The following HSF1 variants were observed in gnomAD, a reference collection of about 807,000 sequenced individuals.
HSF1 encodes heat shock factor protein 1.
A neutral mutation model predicts 51.7 loss-of-function variants in HSF1; 32 were observed. The observed-to-expected ratio is 0.62, with a 90% CI of 0.47 to 0.83. The LOEUF (loss-of-function observed/expected upper bound fraction) is 0.83, where lower values mean the gene tolerates loss of function less well. Ranked by LOEUF, HSF1 falls within the 40% of genes least tolerant of loss-of-function variation. The pLI, the probability that HSF1 is intolerant of heterozygous loss-of-function variation, is 0.00. For synonymous variants in HSF1, 396 were observed against 309.7 expected, an observed-to-expected ratio of 1.28 and a Z score of -2.92; for missense variants, 727 against 717.0, an observed-to-expected ratio of 1.01 and a Z score of -0.16.
In HSF1 at chr8:144,309,866, G is replaced by T. The variant is rs782681698; in HGVS notation, c.458G>T (p.Cys153Phe). 1.2e-6 allele frequency: 2 copies of T among 1,613,852 alleles called. No homozygotes were observed. The highest frequency in any genetic ancestry group is 1.7e-6 in the Non-Finnish European group (2 of 1,179,962). The change falls in exon 4 of 13, where the codon TGC becomes TTC. Residue 153 changes from cysteine to phenylalanine, a missense_variant. Around this residue, in one of 2 missense-constraint regions of HSF1, gnomAD observed 257 missense variants for 318.3 expected, o/e 0.81. Transcript: ENST00000528838. ...DVQLMKGKQE[C>F]MDSKLLAMKH... Reference sequence around the variant, plus strand: ...CAGCTGATGAAGGGGAAGCAGGAGTGCATGGACTCCAAGCTCCTGGCCATG... The same window carrying T: ...CAGCTGATGAAGGGGAAGCAGGAGTTCATGGACTCCAAGCTCCTGGCCATG...
chr8:144,309,640 C>T, intron 3 of HSF1, 49 bp downstream of exon 3: 2 of 1,566,894 alleles, frequency 1.3e-6, no homozygotes, highest in Non-Finnish European at 8.7e-7. Context: ...CCACAGCTCT[C>T]CCCGCCCGCC....
chr8:144,307,236 C>G (rs1816283877), intron 1 of HSF1, among the ~76,000 whole-genome samples: 1 of 152,214 alleles, frequency 6.6e-6, no homozygotes, highest in Admixed American at 6.5e-5. Context: ...CGGCAAACAG[C>G]TTTTTTATTC....
Position 144,312,077 on chromosome 8 carries a change from G to A in HSF1, c.975G>A (p.Leu325=). ...GCCCATCTTCCGTGGACACCCTCTT[G>A]TCCCCGACCGCCCTCATTGACTCCA... is the stretch of plus-strand genomic sequence containing the variant. ...PGRPSSVDTL[L]SPTALIDSIL... is the part of the protein sequence containing the mutation. Residue 325 remains leucine, a synonymous_variant, in exon 9 of 13, where the codon TTG becomes TTA. Coordinates refer to ENST00000528838, the MANE Select transcript of HSF1 (RefSeq NM_005526.4). 6.2e-7 allele frequency: 1 copy of A among 1,612,378 alleles called. No individual in the cohort carries two copies. Among genetic ancestry groups the A allele is most frequent in the Non-Finnish European group, 8.5e-7 (1 of 1,179,828 alleles).
intron 9 of HSF1, 90 bp from the exon 10 acceptor site, chr8:144,313,421 G>A: frequency 1.2e-6 from 1 of 842,368 alleles, no homozygotes; most frequent in Non-Finnish European, 2.0e-6. Flanking sequence ...AGCCTGGGGG[G>A]TACAGTCAAG....
At chr8:144,296,306 C>T (rs982806725) in intron 1 of HSF1, among the ~76,000 whole-genome samples, 3 of 152,204 alleles carry the variant, frequency 2.0e-5, no homozygotes, top group African/African-American at 7.2e-5. Flanking sequence ...GGAGCTCCCA[C>T]GGCAGGCAGG....
chr8:144,301,520 G>A (rs192930881), intron 1 of HSF1, among the ~76,000 whole-genome samples: 1 of 152,236 alleles, frequency 6.6e-6, no homozygotes, highest in East Asian at 1.9e-4. Flanking sequence ...CCATATCAAG[G>A]TACATTATAT....
At chr8:144,311,912 T>A in intron 8 of HSF1, 51 bp from the exon 9 acceptor site, 1 of 1,581,430 alleles carries the variant, frequency 6.3e-7, no homozygotes, top group East Asian at 2.2e-5. Context: ...GAGTTGGGGA[T>A]GAGGTGGGGC....
intron 1 of HSF1, among the ~76,000 whole-genome samples, chr8:144,296,768 T>C (rs1815490647): frequency 6.7e-6 from 1 of 149,706 alleles, no homozygotes; most frequent in African/African-American, 2.5e-5. Context: ...GATCGCGCCA[T>C]TGCACTCCAG....
In HSF1 at chr8:144,308,718, G is replaced by GC. The variant is rs566636121; in HGVS notation, c.118-185dup. Among the ~76,000 whole-genome samples the GC allele has an allele frequency of 4.1e-3, 632 of 152,348 alleles. 3 individuals carry two copies. Among genetic ancestry groups the GC allele is most frequent in the African/African-American group, 0.015 (611 of 41,582 alleles). Reference sequence around the variant, plus strand: ...ATGCAGGTCACGCTGCACAGATGAGGCCCGTGTGGCAGGTGGTCCCAGGAA... The same window carrying GC: ...ATGCAGGTCACGCTGCACAGATGAGGCCCCGTGTGGCAGGTGGTCCCAGGAA... On this transcript the variant is annotated intron_variant, in intron 1 of 12. Coordinates refer to ENST00000528838, the MANE Select transcript of HSF1 (RefSeq NM_005526.4).
At chr8:144,308,575 C>T (rs1554843669) in intron 1 of HSF1, among the ~76,000 whole-genome samples, 6 of 150,640 alleles carry the variant, frequency 4.0e-5, no homozygotes, top group African/African-American at 1.2e-4. Context: ...GGCCAGAGTG[C>T]GGCGGATGCT....
At position 144,309,368 on chromosome 8, in the gene HSF1, C is replaced by T. The variant is rs563625558; in HGVS notation, c.227-87C>T. Reference sequence around the variant, plus strand: ...GCAGGGTCTGACCATGGCCAAGCCCCGCAGCAGCCTCCTGGAGCAGTGGCC... The same window carrying T: ...GCAGGGTCTGACCATGGCCAAGCCCTGCAGCAGCCTCCTGGAGCAGTGGCC... On this transcript the variant is annotated intron_variant, in intron 2 of 12. Coordinates refer to ENST00000528838, the MANE Select transcript of HSF1 (RefSeq NM_005526.4). 1.3e-4 allele frequency: 200 copies of T among 1,570,114 alleles called. 4 individuals are homozygous for T. The East Asian group carries it at 3.1e-3, about 24-fold the overall frequency.
chr8:144,309,075 C>G (rs1177057805), intron 2 of HSF1, 61 bp downstream of exon 2: 1 of 1,261,724 alleles, frequency 7.9e-7, no homozygotes, highest in Non-Finnish European at 1.2e-6. Context: ...TGGCGGGACC[C>G]CAGCAGGAGG....
chr8:144,312,867 G>T (rs1816781749), intron 9 of HSF1: 15 of 652,988 alleles, frequency 2.3e-5, no homozygotes, highest in Non-Finnish European at 3.5e-5. Flanking sequence ...GTGTCGTCAT[G>T]GCTCCCCTGG....
chr8:144,299,428 C>T (rs1815706611), intron 1 of HSF1, among the ~76,000 whole-genome samples: 1 of 134,754 alleles, frequency 7.4e-6, no homozygotes, highest in African/African-American at 2.6e-5. Flanking sequence ...CAGAGCAAGA[C>T]TCCTTCTAAA....
Position 144,311,692 on chromosome 8 carries a change from G to C in HSF1, c.724-8G>C. 1 of 1,609,104 alleles carries C rather than the reference G, an allele frequency of 6.2e-7. No homozygotes were observed. Among genetic ancestry groups the C allele is most frequent in the East Asian group, 2.2e-5 (1 of 44,840 alleles). ...GGCACTGCATGGACCTCCTGCCTTTGATTGCAGGCCCCCTCCCCAGCCTAC... is the reference window on the plus strand; with the variant it reads ...GGCACTGCATGGACCTCCTGCCTTTCATTGCAGGCCCCCTCCCCAGCCTAC... On this transcript the variant is annotated splice_polypyrimidine_tract_variant and splice_region_variant and intron_variant, in intron 7 of 12. Transcript: ENST00000528838.
intron 1 of HSF1, among the ~76,000 whole-genome samples, chr8:144,294,064 A>C (rs1170103961): frequency 2.0e-5 from 3 of 151,782 alleles, no homozygotes; most frequent in African/African-American, 7.3e-5. Context: ...AGGGATGGGG[A>C]GCCAACTGGA....
chr8:144,295,862 C>G (rs1399667725), intron 1 of HSF1, among the ~76,000 whole-genome samples: 1 of 152,212 alleles, frequency 6.6e-6, no homozygotes, highest in Non-Finnish European at 1.5e-5. Flanking sequence ...GCGCCTGGCC[C>G]TGAGGCATTC....
chr8:144,313,456 C>A, intron 9 of HSF1, 55 bp from the exon 10 acceptor site: 2 of 1,151,110 alleles, frequency 1.7e-6, no homozygotes, highest in Non-Finnish European at 2.6e-6. Context: ...CACAGGAGGG[C>A]ATTGGGGTGT....
At position 144,311,251 on chromosome 8, in the gene HSF1, T is replaced by C. The variant is rs1457651230; in HGVS notation, c.564+2T>C. 1 of 1,608,796 alleles carries C rather than the reference T, an allele frequency of 6.2e-7. No individual in the cohort carries two copies. Among genetic ancestry groups the C allele is most frequent in the Non-Finnish European group, 8.5e-7 (1 of 1,178,328 alleles). ...CAGCAACAGAAAGTCGTCAACAAGG[T>C]GGGGGCAGGGCCAGAGGGCCGGCGG... On this transcript the variant is annotated splice_donor_variant, in intron 5 of 12. Coordinates refer to ENST00000528838, the MANE Select transcript of HSF1 (RefSeq NM_005526.4). LOFTEE classifies it high-confidence loss of function.
Sources: gnomAD v4.1 joint callset for allele counts (sites outside exome capture counted in the v4.1 genomes callset) on GRCh38, gnomAD v4.1.1 for gene constraint, gnomAD v4.1.1 regional missense constraint, MANE v1.5 for transcripts, NCBI Gene and HGNC (gene_info 2026-07-23, HGNC 2026-07-21) for gene names.